Variants in NFIC observed in about 807,000 individuals in gnomAD.
The protein encoded by NFIC is nuclear factor I C, also known as nuclear factor 1 C-type.
A neutral mutation model predicts 54.4 loss-of-function variants in NFIC; 12 were observed. That is an observed-to-expected ratio of 0.22 (90% confidence interval 0.14 to 0.36). The LOEUF (loss-of-function observed/expected upper bound fraction) is 0.36, where lower values mean the gene tolerates loss of function less well. Ranked by LOEUF, NFIC falls within the 10% of genes least tolerant of loss-of-function variation. The pLI is 1.00. For synonymous variants in NFIC, 322 were observed against 319.2 expected (o/e 1.01, Z -0.09); for missense variants, 575 against 718.2 (o/e 0.80, Z 2.28).
intron 3 of NFIC, among the ~76,000 whole-genome samples, chr19:3,429,093 T>G (rs1256979088): frequency 6.9e-6 from 1 of 145,764 alleles, no homozygotes; most frequent in Non-Finnish European, 1.5e-5. Flanking sequence ...AAGACCAGCC[T>G]GGGTAATATA....
intron 2 of NFIC, among the ~76,000 whole-genome samples, chr19:3,412,799 C>T (rs149429133): frequency 1.5e-3 from 227 of 152,328 alleles, no homozygotes; most frequent in Non-Finnish European, 2.7e-3. Flanking sequence ...TGTCACTCCA[C>T]ACCCTGACTC....
At chr19:3,439,776 C>T (rs1229565858) in intron 6 of NFIC, among the ~76,000 whole-genome samples, 1 of 147,452 alleles carries the variant, frequency 6.8e-6, no homozygotes, top group Non-Finnish European at 1.5e-5. Context: ...GCAAGCTCCG[C>T]CTCCCGGGTT....
At chr19:3,400,631 A>G (rs951229146) in intron 2 of NFIC, among the ~76,000 whole-genome samples, 3 of 152,236 alleles carry the variant, frequency 2.0e-5, no homozygotes, top group Non-Finnish European at 2.9e-5. Context: ...ACCTGAGGTC[A>G]GGAGTTCAAG....
intron 10 of NFIC, among the ~76,000 whole-genome samples, chr19:3,457,137 C>T (rs1374872337): frequency 6.6e-6 from 1 of 152,204 alleles, no homozygotes; most frequent in East Asian, 1.9e-4. Context: ...GCCCCCACCC[C>T]AGGCTTCAGC....
At chr19:3,423,258 T>C (rs536305050) in intron 2 of NFIC, among the ~76,000 whole-genome samples, 19 of 152,182 alleles carry the variant, frequency 1.2e-4, no homozygotes, top group Admixed American at 3.3e-4. Context: ...ACTCTCGTGA[T>C]TGAGGTCTCC....
intron 2 of NFIC, among the ~76,000 whole-genome samples, chr19:3,412,481 G>C (rs748480420): frequency 6.6e-6 from 1 of 152,158 alleles, no homozygotes; most frequent in African/African-American, 2.4e-5. Flanking sequence ...TTGAACTCCT[G>C]ACCTCAAGCA....
chr19:3,423,434 G>A lies in NFIC; in HGVS notation c.563-1672G>A, dbSNP rs1465203897. Among the ~76,000 whole-genome samples, 4 of 152,114 alleles carry A rather than the reference G, an allele frequency of 2.6e-5. No homozygotes were observed. The South Asian group carries it at 6.2e-4, about 24-fold the overall frequency. On this transcript the variant is annotated intron_variant, in intron 2 of 10. Coordinates refer to ENST00000443272, the MANE Select transcript of NFIC (RefSeq NM_001245002.2). ...TCGCGTCCTGGCCTTGGGGTCTGGC[G>A]GGTGGGCAGGAGGGGCGTGATTCTC...
chr19:3,457,433 G>A (rs1230160172), intron 10 of NFIC, among the ~76,000 whole-genome samples: 1 of 151,924 alleles, frequency 6.6e-6, no homozygotes, highest in Admixed American at 6.6e-5. Context: ...CCCAGGCCCA[G>A]GTGTCCCTCA....
chr19:3,463,614 G>GGCCC lies in NFIC; in HGVS notation c.*845_*846insGCCC. The GGCCC allele has an allele frequency of 6.3e-6, 6 of 959,032 alleles. No individual in the cohort carries two copies. The highest frequency in any genetic ancestry group is 7.4e-6 in the Non-Finnish European group (6 of 807,780). The allele number at this position is 959,032 out of a possible 1,614,324, so 59.4% of individuals were successfully genotyped here. On this transcript the variant is annotated 3_prime_UTR_variant, in exon 11 of 11. Transcript: ENST00000443272. ...GGGAGGAGAAGTCTCTATGCAATTG[G>GGCCC]CCCCGGCCCCTCCACCCCCCACCCC...
At chr19:3,444,493 C>A (rs1555681109) in intron 6 of NFIC, among the ~76,000 whole-genome samples, 1 of 152,214 alleles carries the variant, frequency 6.6e-6, no homozygotes, top group Non-Finnish European at 1.5e-5. Context: ...GCTGAACAGA[C>A]AGAGGATGCT....
chr19:3,445,058 G>C (rs2082353652), intron 6 of NFIC, among the ~76,000 whole-genome samples: 1 of 151,960 alleles, frequency 6.6e-6, no homozygotes, highest in Admixed American at 6.5e-5. Context: ...TGCATGTACA[G>C]GCATACATAT....
chr19:3,438,406 AACTC>A (rs1312346053), intron 6 of NFIC, among the ~76,000 whole-genome samples: 2 of 150,594 alleles, frequency 1.3e-5, no homozygotes, highest in East Asian at 3.9e-4. Flanking sequence ...GGGGATGGCA[AACTC>A]ACTCCCTCCT....
chr19:3,414,896 A>T (rs945954652), intron 2 of NFIC, among the ~76,000 whole-genome samples: 3 of 151,732 alleles, frequency 2.0e-5, no homozygotes, highest in Non-Finnish European at 4.4e-5. Context: ...CTGGAGTGCA[A>T]TGGCATGATC....
intron 1 of NFIC, among the ~76,000 whole-genome samples, chr19:3,380,463 T>C (rs922943829): frequency 6.6e-6 from 1 of 150,784 alleles, no homozygotes; most frequent in African/African-American, 2.4e-5. Context: ...GTAGCTGGGA[T>C]TACAGGTGTG....
chr19:3,382,478 C>T (rs1284131762), intron 2 of NFIC, among the ~76,000 whole-genome samples: 3 of 151,550 alleles, frequency 2.0e-5, no homozygotes, highest in African/African-American at 7.3e-5. Context: ...GGAGGCGAGT[C>T]TAGGAGAATA....
At chr19:3,444,662 T>C (rs2082345071) in intron 6 of NFIC, among the ~76,000 whole-genome samples, 1 of 152,210 alleles carries the variant, frequency 6.6e-6, no homozygotes, top group Non-Finnish European at 1.5e-5. Context: ...TGCAGGGATG[T>C]GGCGGCCGGG....
At chr19:3,410,393 G>A (rs965266034) in intron 2 of NFIC, among the ~76,000 whole-genome samples, 1 of 152,232 alleles carries the variant, frequency 6.6e-6, no homozygotes, top group African/African-American at 2.4e-5. Context: ...TGAGGGGAGA[G>A]AATGAGCCAT....
At chr19:3,460,015 C>A (rs2121952187) in intron 10 of NFIC, among the ~76,000 whole-genome samples, 1 of 152,322 alleles carries the variant, frequency 6.6e-6, no homozygotes, top group Non-Finnish European at 1.5e-5. Context: ...GTTTGCGTTT[C>A]CAGGGCAGGG....
At chr19:3,433,744 C>A in intron 4 of NFIC, 152 bp downstream of exon 4, 1 of 840,262 alleles carries the variant, frequency 1.2e-6, no homozygotes, top group Non-Finnish European at 1.9e-6. Flanking sequence ...GGTGGCCAGG[C>A]CCTTCCCAGA....
Sources: gnomAD v4.1 joint callset for allele counts (sites outside exome capture counted in the v4.1 genomes callset) on GRCh38, gnomAD v4.1.1 for gene constraint, MANE v1.5 for transcripts, NCBI Gene and HGNC (gene_info 2026-07-23, HGNC 2026-07-21) for gene names.